The following MCMDC2 variants were observed in gnomAD, a reference collection of about 807,000 sequenced individuals.
The protein encoded by MCMDC2 is minichromosome maintenance domain containing 2.
MCMDC2 carries 54 observed loss-of-function variants against 75.8 expected under a neutral mutation model. That is an observed-to-expected ratio of 0.71 (90% CI 0.57 to 0.89). The LOEUF (loss-of-function observed/expected upper bound fraction) is 0.89, where lower values mean the gene tolerates loss of function less well. Ranked by LOEUF, MCMDC2 falls within the 40% of genes least tolerant of loss-of-function variation. The pLI is 0.00. For synonymous variants in MCMDC2, 249 were observed against 274.6 expected, an observed-to-expected ratio of 0.91 and a Z score of 0.92; for missense variants, 656 against 780.4, an observed-to-expected ratio of 0.84 and a Z score of 1.90.
intron 14 of MCMDC2, among the ~76,000 whole-genome samples, chr8:66,907,115 A>G (rs1812937258): frequency 6.6e-6 from 1 of 151,724 alleles, no homozygotes; most frequent in Non-Finnish European, 1.5e-5. Context: ...CAGAACATGC[A>G]GGTTTGTTAC....
chr8:66,906,092 T>C (rs1252342725), intron 14 of MCMDC2, among the ~76,000 whole-genome samples: 2 of 152,196 alleles, frequency 1.3e-5, no homozygotes, highest in Non-Finnish European at 2.9e-5. Context: ...ATACTATGTC[T>C]ATAGCATTTA....
intron 14 of MCMDC2, among the ~76,000 whole-genome samples, chr8:66,914,884 G>T (rs1813244583): frequency 6.6e-6 from 1 of 152,106 alleles, no homozygotes; most frequent in African/African-American, 2.4e-5. Flanking sequence ...TTTAAGAGTT[G>T]GGGGCAGCGG....
chr8:66,918,559 A>C (rs1813406279), intron 14 of MCMDC2, among the ~76,000 whole-genome samples: 1 of 152,076 alleles, frequency 6.6e-6, no homozygotes, highest in Non-Finnish European at 1.5e-5. Flanking sequence ...TTTATCTTTG[A>C]TCGTCCACTT....
At chr8:66,907,919 G>T (rs539435449) in intron 14 of MCMDC2, among the ~76,000 whole-genome samples, 44 of 151,808 alleles carry the variant, frequency 2.9e-4, no homozygotes, top group African/African-American at 9.7e-4. Context: ...TTTTGATGGG[G>T]TTTTTTTTCT....
chr8:66,910,508 T>C (rs1813064220), intron 14 of MCMDC2, among the ~76,000 whole-genome samples: 1 of 152,210 alleles, frequency 6.6e-6, no homozygotes, highest in Admixed American at 6.5e-5. Flanking sequence ...GAGATCATTT[T>C]GGAACTTTAA....
At chr8:66,880,794 A>G in intron 7 of MCMDC2, 55 bp from the exon 8 acceptor site, 1 of 1,417,240 alleles carries the variant, frequency 7.1e-7, no homozygotes, top group Non-Finnish European at 9.3e-7. Context: ...CCATATGTTC[A>G]TGTACAAAGT....
chr8:66,915,409 G>T (rs1337769032), intron 14 of MCMDC2, among the ~76,000 whole-genome samples: 2 of 150,400 alleles, frequency 1.3e-5, no homozygotes, highest in Non-Finnish European at 3.0e-5. Flanking sequence ...CCAAGATCAT[G>T]CCACTGCACT....
intron 14 of MCMDC2, among the ~76,000 whole-genome samples, chr8:66,912,885 T>TA (rs1173277063): frequency 3.3e-5 from 5 of 151,750 alleles, no homozygotes; most frequent in Non-Finnish European, 7.4e-5. Flanking sequence ...ATACCTATGT[T>TA]ACAAACCTGC....
intron 9 of MCMDC2, among the ~76,000 whole-genome samples, chr8:66,890,406 G>A (rs1280222131): frequency 6.6e-6 from 1 of 151,802 alleles, no homozygotes; most frequent in Non-Finnish European, 1.5e-5. Context: ...TTTACACGGA[G>A]TCTTGCTCTG....
chr8:66,922,748 C>T (rs775879913), downstream of MCMDC2: 355 of 259,674 alleles, frequency 1.4e-3, no homozygotes, highest in Non-Finnish European at 2.0e-3. Flanking sequence ...TATTACATTT[C>T]GAATTCCCAT....
chr8:66,897,346 G>T (rs1382796491), intron 12 of MCMDC2, among the ~76,000 whole-genome samples: 2 of 151,344 alleles, frequency 1.3e-5, no homozygotes, highest in Non-Finnish European at 2.9e-5. Context: ...GTTGGAGGTT[G>T]CAGTGAGCCG....
intron 7 of MCMDC2, 124 bp downstream of exon 7, chr8:66,879,043 G>A (rs2130798375): frequency 1.5e-6 from 1 of 664,292 alleles, no homozygotes; most frequent in East Asian, 2.8e-5. Context: ...ATCACTTGAG[G>A]CCAGGAGTTT....
At chr8:66,888,614 A>T (rs1165601320) in intron 9 of MCMDC2, among the ~76,000 whole-genome samples, 1 of 152,206 alleles carries the variant, frequency 6.6e-6, no homozygotes, top group Admixed American at 6.5e-5. Flanking sequence ...AATATTTGAT[A>T]TTTTTGATGC....
chr8:66,886,005 C>T (rs1010308858), intron 9 of MCMDC2, among the ~76,000 whole-genome samples: 16 of 152,064 alleles, frequency 1.1e-4, no homozygotes, highest in African/African-American at 3.9e-4. Flanking sequence ...TATCTATTCT[C>T]GTAGTGGAAG....
At chr8:66,898,051 G>A in intron 12 of MCMDC2, among the ~76,000 whole-genome samples, 1 of 151,906 alleles carries the variant, frequency 6.6e-6, no homozygotes. Flanking sequence ...ACATAGATTA[G>A]AATAGAAAAA....
rs201328764 is a variant in MCMDC2 at position 66,883,864 on chromosome 8, C to T, written c.943C>T (p.Pro315Ser). Residue 315 changes from proline to serine, a missense_variant, in exon 9 of 15, where the codon CCT becomes TCT. By Grantham distance (74) the Pro-to-Ser change is moderately conservative. Transcript: ENST00000422365. ...CAATATCTTTGCATCACAAATTACC[C>T]CTCCTGGGACTTACAATTTGCTCAA... is the stretch of plus-strand genomic sequence containing the variant. ...LANIFASQIT[P>S]PGTYNLLKLC... 3.1e-6 allele frequency: 5 copies of T among 1,613,844 alleles called. No homozygotes were observed. The Admixed American group carries it at 5.0e-5, about 16-fold the overall frequency.
chr8:66,888,071 A>G (rs922663172), intron 9 of MCMDC2, among the ~76,000 whole-genome samples: 1 of 152,142 alleles, frequency 6.6e-6, no homozygotes, highest in African/African-American at 2.4e-5. Flanking sequence ...TTTTAAATAA[A>G]TTTTAGAATC....
chr8:66,925,027 G>A (rs1239965384), downstream of MCMDC2, among the ~76,000 whole-genome samples: 8 of 152,298 alleles, frequency 5.3e-5, no homozygotes, highest in East Asian at 1.4e-3. Flanking sequence ...AGGAAAACAA[G>A]CTGCCTAAGA....
intron 12 of MCMDC2, among the ~76,000 whole-genome samples, chr8:66,900,199 G>A (rs1345182806): frequency 6.6e-6 from 1 of 152,058 alleles, no homozygotes; most frequent in African/African-American, 2.4e-5. Context: ...CACTTTGGGA[G>A]GCCGAGGTGG....
Sources: gnomAD v4.1 joint callset for allele counts (sites outside exome capture counted in the v4.1 genomes callset) on GRCh38, gnomAD v4.1.1 for gene constraint, MANE v1.5 for transcripts, NCBI Gene and HGNC (gene_info 2026-07-23, HGNC 2026-07-21) for gene names.